Variants in WARS2 observed in about 807,000 individuals in gnomAD.
The protein encoded by WARS2 is tryptophan--tRNA ligase, mitochondrial.
Under a neutral mutation model 36.5 loss-of-function variants are expected in WARS2, and 28 were observed. That is an observed-to-expected ratio of 0.77 (90% CI 0.57 to 1.05). The LOEUF (loss-of-function observed/expected upper bound fraction) is 1.05, where lower values mean the gene tolerates loss of function less well. Among genes scored for constraint, WARS2 ranks in the 50% least tolerant of loss-of-function variants. WARS2 has a pLI of 0.00. For synonymous variants in WARS2, 174 were observed against 178.4 expected (o/e 0.98, Z 0.20); for missense variants, 435 against 456.8 (o/e 0.95, Z 0.44).
intron 2 of WARS2, among the ~76,000 whole-genome samples, chr1:119,056,128 C>G (rs1403337716): frequency 2.0e-5 from 3 of 151,146 alleles, no homozygotes; most frequent in Non-Finnish European, 2.9e-5. Flanking sequence ...AAGCGATTCT[C>G]CTGCCTTAGC....
intron 1 of WARS2, among the ~76,000 whole-genome samples, chr1:119,129,769 GAT>G (rs1159862576): frequency 2.0e-5 from 3 of 151,858 alleles, no homozygotes; most frequent in Non-Finnish European, 4.4e-5. Context: ...CTCTCTAACA[GAT>G]ATGATATAGC....
Position 119,046,614 on chromosome 1 carries a change from C to T in WARS2, c.349-952G>A, listed in dbSNP as rs185071198. Among the ~76,000 whole-genome samples, 355 of 152,020 alleles carry T rather than the reference C, an allele frequency of 2.3e-3. 2 individuals carry two copies. The highest frequency in any genetic ancestry group is 7.9e-3 in the African/African-American group (329 of 41,472). ...CTCGTGATCCACCCACCCCAGCGTC[C>T]CAAAGTGCTGGAGTTACAGGCGTGA... On this transcript the variant is annotated intron_variant, in intron 2 of 5. Coordinates refer to ENST00000235521, the MANE Select transcript of WARS2 (RefSeq NM_015836.4).
Position 119,033,320 on chromosome 1 carries a change from G to A in WARS2, c.674C>T (p.Ala225Val). 1 of 1,614,184 alleles carries A rather than the reference G, an allele frequency of 6.2e-7. No individual in the cohort carries two copies. Among genetic ancestry groups the A allele is most frequent in the Non-Finnish European group, 8.5e-7 (1 of 1,180,030 alleles). Residue 225 changes from alanine to valine, a missense_variant, in exon 6 of 6, where the codon GCC (alanine) becomes GTC (valine). Coordinates refer to ENST00000235521, the MANE Select transcript of WARS2 (RefSeq NM_015836.4). ...KKVKSLRDPS[A>V]KMSKSDPDKL... ...GTCAGGGTCTGATTTCGACATTTTG[G>A]CAGAAGGATCACGTAGGGATTTTAC...
intron 5 of WARS2, 120 bp from the exon 6 acceptor site, chr1:119,033,479 A>G (rs1647621277): frequency 6.3e-6 from 8 of 1,267,560 alleles, no homozygotes; most frequent in Non-Finnish European, 6.7e-6. Flanking sequence ...TTTCAACTTT[A>G]CAGTGGTGCA....
intron 4 of WARS2, among the ~76,000 whole-genome samples, chr1:119,037,063 A>C (rs1434522633): frequency 6.6e-6 from 1 of 152,112 alleles, no homozygotes; most frequent in Non-Finnish European, 1.5e-5. Context: ...CTTTCACTTC[A>C]AATAATTTAG....
At chr1:119,112,334 T>C (rs975528026) in intron 1 of WARS2, among the ~76,000 whole-genome samples, 1 of 152,192 alleles carries the variant, frequency 6.6e-6, no homozygotes, top group Non-Finnish European at 1.5e-5. Flanking sequence ...CAGAGAAGCA[T>C]GGCAACAGTA....
chr1:119,076,758 A>C (rs1245545699), intron 1 of WARS2, 151 bp from the exon 2 acceptor site: 2 of 1,214,364 alleles, frequency 1.6e-6, no homozygotes, highest in East Asian at 4.8e-5. Flanking sequence ...CTACACTGTA[A>C]ATCACTATGC....
At chr1:119,126,832 T>A (rs772734414) in intron 1 of WARS2, 1 of 754,734 alleles carries the variant, frequency 1.3e-6, no homozygotes, top group African/African-American at 1.7e-5. Flanking sequence ...ATTTCCATCA[T>A]CTTCTTCCAG....
intron 1 of WARS2, among the ~76,000 whole-genome samples, chr1:119,105,111 T>C (rs1654143651): frequency 6.6e-6 from 1 of 151,834 alleles, no homozygotes; most frequent in African/African-American, 2.4e-5. Flanking sequence ...GGCAAGCAAA[T>C]GGAGAGATGT....
At chr1:119,067,725 G>A (rs1650988530) in intron 2 of WARS2, among the ~76,000 whole-genome samples, 1 of 151,946 alleles carries the variant, frequency 6.6e-6, no homozygotes, top group Admixed American at 6.6e-5. Context: ...GGGATTCAGA[G>A]AGCTTGAGCC....
chr1:119,044,383 A>C (rs1181424327), intron 3 of WARS2, among the ~76,000 whole-genome samples: 1 of 152,236 alleles, frequency 6.6e-6, no homozygotes, highest in Non-Finnish European at 1.5e-5. Context: ...TTTCAACATT[A>C]CACTTAATGG....
intron 1 of WARS2, among the ~76,000 whole-genome samples, chr1:119,119,603 A>G (rs587676269): frequency 2.0e-5 from 3 of 152,254 alleles, no homozygotes; most frequent in Non-Finnish European, 4.4e-5. Flanking sequence ...CAACTGCAGA[A>G]TATACATTTT....
At chr1:119,088,031 T>C (rs1469481531) in intron 1 of WARS2, among the ~76,000 whole-genome samples, 2 of 152,126 alleles carry the variant, frequency 1.3e-5, no homozygotes, top group Non-Finnish European at 2.9e-5. Context: ...AATGAGAAAA[T>C]TTATGCGGCC....
At chr1:119,084,368 C>T (rs1242681461) in intron 1 of WARS2, among the ~76,000 whole-genome samples, 1 of 152,072 alleles carries the variant, frequency 6.6e-6, no homozygotes, top group Non-Finnish European at 1.5e-5. Flanking sequence ...GCGATGGTTA[C>T]ACAACATTGT....
intron 1 of WARS2, chr1:119,085,402 G>C (rs1378833595): frequency 4.2e-6 from 6 of 1,415,926 alleles, no homozygotes; most frequent in Non-Finnish European, 5.9e-6. Flanking sequence ...TTGCTTCTGG[G>C]TGACGAAGAG....
intron 1 of WARS2, among the ~76,000 whole-genome samples, chr1:119,112,462 A>G (rs587617920): frequency 1.8e-4 from 27 of 152,328 alleles, no homozygotes; most frequent in Middle Eastern, 3.4e-3. Context: ...GAGAGAGAAT[A>G]TAAAAACAGG....
At chr1:119,060,165 T>C (rs1323680589) in intron 2 of WARS2, among the ~76,000 whole-genome samples, 2 of 152,238 alleles carry the variant, frequency 1.3e-5, no homozygotes, top group Non-Finnish European at 1.5e-5. Flanking sequence ...TAGTAATGGC[T>C]ACTTAGCTTG....
At chr1:119,044,120 C>G (rs745485089) in intron 3 of WARS2, among the ~76,000 whole-genome samples, 1 of 152,190 alleles carries the variant, frequency 6.6e-6, no homozygotes, top group Admixed American at 6.5e-5. Flanking sequence ...TGACATAAGA[C>G]TCACAGAAGA....
At chr1:119,046,083 A>G (rs1262802972) in intron 2 of WARS2, among the ~76,000 whole-genome samples, 1 of 152,126 alleles carries the variant, frequency 6.6e-6, no homozygotes, top group East Asian at 1.9e-4. Context: ...AATAACTTCT[A>G]AATACATCAA....
Sources: allele counts gnomAD v4.1 joint callset (sites outside exome capture counted in the v4.1 genomes callset), GRCh38; gene constraint gnomAD v4.1.1; transcripts MANE v1.5; gene names NCBI Gene and HGNC (gene_info 2026-07-23, HGNC 2026-07-21).